Variants in TSGA10IP observed in about 807,000 individuals in gnomAD.
TSGA10IP encodes the protein testis specific 10 interacting protein.
In TSGA10IP, 64 loss-of-function variants were observed where a neutral mutation model predicts 63.2. The observed-to-expected ratio is 1.01, with a 90% CI of 0.83 to 1.25. The LOEUF (loss-of-function observed/expected upper bound fraction) is 1.25, where lower values mean the gene tolerates loss of function less well. Ranked by LOEUF, TSGA10IP falls within the 50% of genes most tolerant of loss-of-function variation. The pLI is 0.00. For missense variants in TSGA10IP, 681 were observed against 710.1 expected (o/e 0.96, Z 0.47); for synonymous variants, 316 against 298.3 (o/e 1.06, Z -0.61).
exon 5 of TSGA10IP, chr11:65,953,568 A>C: frequency 6.3e-7 from 1 of 1,579,708 alleles, no homozygotes; most frequent in Non-Finnish European, 8.6e-7. Flanking sequence ...TCACCCAAGG[A>C]GCCTGCTGCA....
intron 1 of TSGA10IP, 174 bp downstream of exon 1, chr11:65,945,996 C>A: frequency 1.4e-6 from 1 of 707,304 alleles, no homozygotes; most frequent in Non-Finnish European, 2.3e-6. Flanking sequence ...TTGGGAGAAG[C>A]CGAGGGATGA....
chr11:65,958,937 G>C, exon 6 of TSGA10IP: 1 of 1,613,264 alleles, frequency 6.2e-7, no homozygotes, highest in Non-Finnish European at 8.5e-7. Flanking sequence ...AAGGCATCCA[G>C]CACAGGGTGC....
chr11:65,947,546 G>A, exon 3 of TSGA10IP: 1 of 1,613,838 alleles, frequency 6.2e-7, no homozygotes, highest in South Asian at 1.1e-5. Context: ...CCCCAGGAGG[G>A]GGTCGATCTC....
At chr11:65,946,738 T>A in intron 1 of TSGA10IP, 142 bp from the exon 2 acceptor site, 1 of 879,596 alleles carries the variant, frequency 1.1e-6, no homozygotes, top group Non-Finnish European at 1.7e-6. Context: ...CCAGCCCTGT[T>A]TGGTTGGTTT....
intron 5 of TSGA10IP, 148 bp downstream of exon 5, chr11:65,953,885 G>A (rs1035155658): frequency 1.7e-6 from 1 of 582,112 alleles, no homozygotes; most frequent in Admixed American, 4.1e-5. Flanking sequence ...AGGACGCTGA[G>A]GCATGGGGAG....
intron 4 of TSGA10IP, 34 bp from the exon 5 acceptor site, chr11:65,953,533 G>T: frequency 6.6e-7 from 1 of 1,518,590 alleles, no homozygotes; most frequent in Non-Finnish European, 8.8e-7. Context: ...TGCTGCCCGT[G>T]AACCTCTCAT....
intron 4 of TSGA10IP, among the ~76,000 whole-genome samples, chr11:65,952,208 A>T (rs576952867): frequency 6.6e-6 from 1 of 152,226 alleles, no homozygotes; most frequent in Non-Finnish European, 1.5e-5. Flanking sequence ...TTGAGTTCAC[A>T]TATTTTGGAT....
intron 5 of TSGA10IP, among the ~76,000 whole-genome samples, chr11:65,955,118 C>T (rs1349501967): frequency 2.0e-5 from 3 of 152,162 alleles, no homozygotes; most frequent in Non-Finnish European, 2.9e-5. Flanking sequence ...TGCGGAACCC[C>T]GAGAAGTCCT....
chr11:65,953,862 G>A (rs1170835597), intron 5 of TSGA10IP, 125 bp downstream of exon 5: 21 of 761,682 alleles, frequency 2.8e-5, no homozygotes, highest in East Asian at 2.3e-4. Flanking sequence ...CCACTTCACC[G>A]CGTTTCCAGA....
chr11:65,953,785 G>A, intron 5 of TSGA10IP, 48 bp downstream of exon 5: 1 of 1,416,430 alleles, frequency 7.1e-7, no homozygotes, highest in Non-Finnish European at 9.2e-7. Flanking sequence ...GGGCAGGGAG[G>A]CCGTGTCAGG....
chr11:65,948,109 T>G, exon 4 of TSGA10IP: 2 of 1,600,596 alleles, frequency 1.2e-6, no homozygotes, highest in Non-Finnish European at 1.7e-6. Context: ...TCTGCCAACC[T>G]CCCTAATCGC....
chr11:65,956,821 G>A (rs1185978761), intron 5 of TSGA10IP, among the ~76,000 whole-genome samples: 3 of 151,964 alleles, frequency 2.0e-5, no homozygotes, highest in African/African-American at 7.3e-5. Flanking sequence ...GAGCCACCGC[G>A]CCCAGCCAAG....
exon 3 of TSGA10IP, chr11:65,947,717 A>G (rs1487688067): frequency 6.3e-7 from 1 of 1,595,904 alleles, no homozygotes; most frequent in South Asian, 1.1e-5. Context: ...GAGCAGCCCC[A>G]GCTTCAACAA....
chr11:65,951,181 T>C (rs1283198071), intron 4 of TSGA10IP, among the ~76,000 whole-genome samples: 1 of 152,208 alleles, frequency 6.6e-6, no homozygotes, highest in Non-Finnish European at 1.5e-5. Flanking sequence ...AGCTACCTCT[T>C]CAACATACTA....
At chr11:65,955,597 A>G (rs1855010052) in intron 5 of TSGA10IP, among the ~76,000 whole-genome samples, 1 of 150,986 alleles carries the variant, frequency 6.6e-6, no homozygotes, top group African/African-American at 2.5e-5. Context: ...TGGGTGACAG[A>G]GAAAGACTCC....
chr11:65,948,700 G>A (rs1439908422), intron 4 of TSGA10IP, among the ~76,000 whole-genome samples: 6 of 152,184 alleles, frequency 3.9e-5, no homozygotes, highest in South Asian at 2.1e-4. Flanking sequence ...GGGGCCGGGC[G>A]TGGTGGCTCA....
exon 1 of TSGA10IP, chr11:65,945,775 A>G (rs1370765393): frequency 2.5e-5 from 40 of 1,613,872 alleles, no homozygotes; most frequent in Non-Finnish European, 3.4e-5. Context: ...TCCAGGAACC[A>G]GAACGGGGCT....
At chr11:65,953,979 T>C (rs1362087525) in intron 5 of TSGA10IP, among the ~76,000 whole-genome samples, 1 of 152,206 alleles carries the variant, frequency 6.6e-6, no homozygotes, top group Non-Finnish European at 1.5e-5. Flanking sequence ...TCTACATGTA[T>C]GATCACACTT....
Position 65,945,708 on chromosome 11 carries a change from C to A in TSGA10IP, c.33C>A (p.Tyr11Ter). 1 of 1,613,974 alleles carries A rather than the reference C, an allele frequency of 6.2e-7. No individual in the cohort carries two copies. Among genetic ancestry groups the A allele is most frequent in the Non-Finnish European group, 8.5e-7 (1 of 1,179,882 alleles). The stretch of plus-strand genomic sequence containing the variant: ...AGGACACCGATATGCTAAATACCTA[C>A]CAACAGTTGGTTAGGACCCCGTCGG... The change falls in exon 1 of 8, where the codon TAC becomes TAA. Residue 11 changes from tyrosine (Y) to a stop codon, truncating the protein, a stop_gained. Transcript: ENST00000532620. LOFTEE classifies it high-confidence loss of function.
Sources: gnomAD v4.1 joint callset for allele counts (sites outside exome capture counted in the v4.1 genomes callset) on GRCh38, gnomAD v4.1.1 for gene constraint, MANE v1.5 for transcripts, NCBI Gene and HGNC (gene_info 2026-07-23, HGNC 2026-07-21) for gene names.